The following LRP8 variants were observed in gnomAD, a reference collection of about 807,000 sequenced individuals.
LRP8 encodes low-density lipoprotein receptor-related protein 8.
LRP8 carries 46 observed loss-of-function variants against 111.6 expected under a neutral mutation model. That is an observed-to-expected ratio of 0.41 (90% CI 0.33 to 0.53). LRP8 has a LOEUF of 0.53. Ranked by LOEUF, LRP8 falls within the 20% of genes least tolerant of loss-of-function variation. The pLI, the probability that LRP8 is intolerant of heterozygous loss-of-function variation, is 0.20. For synonymous variants in LRP8, 464 were observed against 511.2 expected, an observed-to-expected ratio of 0.91 and a Z score of 1.24; for missense variants, 959 against 1,297.4, an observed-to-expected ratio of 0.74 and a Z score of 4.01.
chr1:53,284,439 G>T (rs1647269280), intron 3 of LRP8, among the ~76,000 whole-genome samples: 1 of 152,158 alleles, frequency 6.6e-6, no homozygotes, highest in East Asian at 1.9e-4. Context: ...GAGAGACCGA[G>T]CCTGGGTTCC....
Position 53,264,253 on chromosome 1 carries a change from G to A in LRP8, c.1571C>T (p.Ala524Val). The change falls in exon 10 of 19, where the codon GCC becomes GTC. Residue 524 changes from alanine (A) to valine (V), a missense_variant. Transcript: ENST00000306052. ...GCGTCGGCGGCCACCATCAACTGTG[G>A]CCACTGAGATGGTCTTATTGCCCGA... Reference protein sequence around the residue: ...TDSGNKTISVATVDGGRRRTL... With the variant: ...TDSGNKTISVVTVDGGRRRTL... 6.2e-7 allele frequency: 1 copy of A among 1,614,176 alleles called. No individual in the cohort carries two copies. Among genetic ancestry groups the A allele is most frequent in the Non-Finnish European group, 8.5e-7 (1 of 1,180,020 alleles).
intron 9 of LRP8, among the ~76,000 whole-genome samples, chr1:53,264,652 A>G (rs1015788342): frequency 1.3e-5 from 2 of 152,126 alleles, no homozygotes; most frequent in Non-Finnish European, 2.9e-5. Context: ...ATATAATACA[A>G]TGTGATTATG....
At chr1:53,318,328 G>A (rs1260590952) in intron 2 of LRP8, among the ~76,000 whole-genome samples, 7 of 151,944 alleles carry the variant, frequency 4.6e-5, no homozygotes, top group Non-Finnish European at 7.4e-5. Context: ...CTGTGGCCTG[G>A]ATATGGCTGC....
intron 3 of LRP8, among the ~76,000 whole-genome samples, chr1:53,284,675 C>T (rs1647297517): frequency 6.6e-6 from 1 of 152,216 alleles, no homozygotes; most frequent in Non-Finnish European, 1.5e-5. Context: ...AATGATTAAA[C>T]AATCTGTCTG....
intron 5 of LRP8, 97 bp downstream of exon 5, chr1:53,276,595 G>A (rs1355962766): frequency 8.1e-6 from 8 of 984,406 alleles, no homozygotes; most frequent in Non-Finnish European, 1.1e-5. Flanking sequence ...AATGTATTCA[G>A]GTAAGGCAAT....
intron 16 of LRP8, among the ~76,000 whole-genome samples, 198 bp downstream of exon 16, chr1:53,254,919 T>C (rs1646026212): frequency 6.6e-6 from 1 of 152,042 alleles, no homozygotes; most frequent in Non-Finnish European, 1.5e-5. Flanking sequence ...ACCTGGAAGG[T>C]CACCTGGGGC....
intron 8 of LRP8, among the ~76,000 whole-genome samples, chr1:53,269,461 A>G (rs999445865): frequency 6.6e-6 from 1 of 152,066 alleles, no homozygotes; most frequent in Admixed American, 6.6e-5. Flanking sequence ...CTATAGGTGC[A>G]TGGTACTATA....
rs2100339606 is a variant in LRP8, at chr1:53,250,635, G to T, written c.2676+55C>A. ...GAAGAAAGGATGGGAGGGGAAGAAA[G>T]GATGGAAGGGAAGATGGTCGGAAGG... On this transcript the variant is annotated intron_variant, in intron 17 of 18. Transcript: ENST00000306052. This position sits in a 1 kb window ranked among gnomAD's most constrained non-coding sequence, Gnocchi z 4.6. 2.0e-6 allele frequency: 3 copies of T among 1,498,462 alleles called. No individual in the cohort carries two copies. The highest frequency in any genetic ancestry group is 2.8e-6 in the Non-Finnish European group (3 of 1,083,368). 92.8% of individuals were successfully genotyped at this position (1,498,462 alleles called of 1,614,324 possible). A position where few individuals can be genotyped will look rare whatever the true frequency, so the allele number is the denominator to read the frequency against.
Position 53,250,000 on chromosome 1 carries a change from G to A in LRP8, c.2677-444C>T, listed in dbSNP as rs550322057. ...GTAAAAGACAAGTGGACTACAGTGT[G>A]ACAGGGGCTGTGAGGTAGAGAGGCC... On this transcript the variant is annotated intron_variant, in intron 17 of 18. Transcript: ENST00000306052. This position sits in a 1 kb window ranked among gnomAD's most constrained non-coding sequence, Gnocchi z 4.1. Among the ~76,000 whole-genome samples, 2 of 152,336 alleles carry A rather than the reference G, an allele frequency of 1.3e-5. No homozygotes were observed. Among genetic ancestry groups the A allele is most frequent in the African/African-American group, 2.4e-5 (1 of 41,574 alleles).
Position 53,271,338 on chromosome 1 carries a change from C to T in LRP8, c.1015G>A (p.Glu339Lys), listed in dbSNP as rs777089799. Reference protein sequence around the residue: ...DEAGCLQGLNECLHNNGGCSH... With the variant: ...DEAGCLQGLNKCLHNNGGCSH... Reference sequence around the variant, plus strand: ...CAGCCGCCATTGTTGTGCAGACACTCGTTCAGCCCTGGGGAGGGACATGGG... The same window carrying T: ...CAGCCGCCATTGTTGTGCAGACACTTGTTCAGCCCTGGGGAGGGACATGGG... The change falls in exon 7 of 19, where the codon GAG (glutamate) becomes AAG (lysine). Residue 339 changes from glutamate to lysine, a missense_variant. Physicochemically the swap from Glu to Lys is moderately conservative, Grantham distance 56. Around this residue, in one of 3 missense-constraint regions of LRP8, gnomAD observed 819 missense variants for 1,097.6 expected, o/e 0.75. Transcript: ENST00000306052. The T allele has an allele frequency of 1.9e-5, 30 of 1,613,872 alleles. No individual in the cohort carries two copies. The South Asian group carries it at 2.2e-4, about 12-fold the overall frequency.
At position 53,257,395 on chromosome 1, in the gene LRP8, G is replaced by C; in HGVS notation, c.2279C>G (p.Ala760Gly). 1 of 1,614,124 alleles carries C rather than the reference G, an allele frequency of 6.2e-7. No homozygotes were observed. The highest frequency in any genetic ancestry group is 8.5e-7 in the Non-Finnish European group (1 of 1,180,020). Reference sequence around the variant, plus strand: ...GGATCTGTGGACGGTGGTCCCGGGGGCTCTTGTGGTGGCAGGTACTGTCCT... The same window carrying C: ...GGATCTGTGGACGGTGGTCCCGGGGCCTCTTGTGGTGGCAGGTACTGTCCT... The part of the protein sequence containing the change: ...MTRTVPATTR[A>G]PGTTVHRSTY... The change falls in exon 15 of 19, where the codon GCC becomes GGC. Residue 760 changes from alanine (A) to glycine (G), a missense_variant. Ala to Gly is a moderately conservative substitution (Grantham distance 60). This residue lies in a region of LRP8 where 819 missense variants were observed against 1,097.6 expected (regional missense o/e 0.75). Coordinates refer to ENST00000306052, the MANE Select transcript of LRP8 (RefSeq NM_004631.5).
At chr1:53,299,863 G>A (rs1377735758) in intron 2 of LRP8, among the ~76,000 whole-genome samples, 2 of 152,266 alleles carry the variant, frequency 1.3e-5, no homozygotes, top group African/African-American at 4.8e-5. Flanking sequence ...GGCATGGTGA[G>A]TTGGATGAGA....
chr1:53,311,964 T>C (rs534268850), intron 2 of LRP8, among the ~76,000 whole-genome samples: 37 of 152,342 alleles, frequency 2.4e-4, no homozygotes, highest in African/African-American at 6.3e-4. Flanking sequence ...CAGAGACTCA[T>C]ACAAGGCACG....
chr1:53,280,639 G>A lies in LRP8; in HGVS notation c.444C>T (p.Cys148=), dbSNP rs765719803. The A allele has an allele frequency of 3.1e-6, 5 of 1,613,388 alleles. No individual in the cohort carries two copies. The highest frequency in any genetic ancestry group is 4.2e-6 in the Non-Finnish European group (5 of 1,180,036). ...CACCCTCGCAGTCCTTCTCCCCGTCGCAGCGCCACGAGGCAGGTACACACT... is the reference window on the plus strand; with the variant it reads ...CACCCTCGCAGTCCTTCTCCCCGTCACAGCGCCACGAGGCAGGTACACACT... ...SHKCVPASWR[C]DGEKDCEGGA... Residue 148 remains cysteine, a synonymous_variant, in exon 4 of 19, where the codon TGC becomes TGT. Coordinates refer to ENST00000306052, the MANE Select transcript of LRP8 (RefSeq NM_004631.5).
intron 5 of LRP8, 109 bp downstream of exon 5, chr1:53,276,583 G>C (rs1646925389): frequency 2.4e-6 from 2 of 847,456 alleles, no homozygotes; most frequent in Admixed American, 4.2e-5. Flanking sequence ...GTAAACCCGG[G>C]TAATGTATTC....
chr1:53,313,695 G>A (rs1653400900), intron 2 of LRP8, among the ~76,000 whole-genome samples: 1 of 152,204 alleles, frequency 6.6e-6, no homozygotes. Flanking sequence ...TCTTGGAGGT[G>A]TGGCTGGACA....
At chr1:53,319,703 G>A (rs1470093157) in intron 2 of LRP8, among the ~76,000 whole-genome samples, 1 of 152,240 alleles carries the variant, frequency 6.6e-6, no homozygotes, top group African/African-American at 2.4e-5. Context: ...GATTACTGGA[G>A]TCTATGACAT....
At chr1:53,301,993 G>A (rs566344894) in intron 2 of LRP8, among the ~76,000 whole-genome samples, 3 of 152,250 alleles carry the variant, frequency 2.0e-5, no homozygotes, top group South Asian at 4.1e-4. Flanking sequence ...TGCCTCAGCT[G>A]TAAAACAAGG....
At chr1:53,259,698 C>T (rs1329807786) in intron 13 of LRP8, among the ~76,000 whole-genome samples, 2 of 152,112 alleles carry the variant, frequency 1.3e-5, no homozygotes, top group African/African-American at 4.8e-5. Context: ...CCTCCTGCCT[C>T]AGCCTCTCAG....
Sources: allele counts gnomAD v4.1 joint callset (sites outside exome capture counted in the v4.1 genomes callset), GRCh38; gene constraint gnomAD v4.1.1; regional missense constraint gnomAD v4.1.1; non-coding constraint Gnocchi (gnomAD v3.1); transcripts MANE v1.5; gene names NCBI Gene and HGNC (gene_info 2026-07-23, HGNC 2026-07-21).